The following ASMTL variants were observed in gnomAD, a reference collection of about 807,000 sequenced individuals.
ASMTL encodes the protein probable bifunctional dTTP/UTP pyrophosphatase/methyltransferase protein.
Under a neutral mutation model 60.3 loss-of-function variants are expected in ASMTL, and 57 were observed. The ratio of observed to expected loss-of-function variants is 0.95; its 90% CI spans 0.76 to 1.18. The LOEUF is 1.18. Among genes scored for constraint, ASMTL ranks in the 50% most tolerant of loss-of-function variants. The pLI is 0.00. For synonymous variants in ASMTL, 419 were observed against 373.0 expected, an observed-to-expected ratio of 1.12 and a Z score of -1.42; for missense variants, 981 against 852.6, an observed-to-expected ratio of 1.15 and a Z score of -1.88.
chrX:1,435,548 T>A, intron 4 of ASMTL, 146 bp downstream of exon 4: 1 of 757,380 alleles, frequency 1.3e-6, no homozygotes, highest in South Asian at 1.5e-5. Flanking sequence ...CCTCCCTGCA[T>A]AGCTCAGACA....
chrX:1,439,090 C>T lies in ASMTL; in HGVS notation c.273+7G>A, dbSNP rs758931515. 6.8e-6 allele frequency: 11 copies of T among 1,613,984 alleles called. No homozygotes were observed. The highest frequency in any genetic ancestry group is 8.5e-6 in the Non-Finnish European group (10 of 1,179,834). ...CATTAGAAACGAGGCACCCTGGCCG[C>T]ACTCACCACGATCGTGTCCGCTCCA... On this transcript the variant is annotated splice_region_variant and intron_variant, in intron 3 of 12. Transcript: ENST00000381317.
rs770955226 is a variant in ASMTL, at chrX:1,427,960, A to G, written c.671T>C (p.Val224Ala). 34 of 1,613,352 alleles carry G rather than the reference A, an allele frequency of 2.1e-5. No individual in the cohort carries two copies. The highest frequency in any genetic ancestry group is 1.1e-5 in the South Asian group (1 of 91,074). The stretch of plus-strand genomic sequence containing the variant: ...CGCGGCCGGGATGGAGTCGTGCTTG[A>G]CACTCCGCCGCAGGTCCTCCGGACG... ...PPRPEDLRRS[V>A]KHDSIPAADT... Residue 224 changes from valine to alanine, a missense_variant, in exon 7 of 13, where the codon GTC becomes GCC. Val to Ala is a moderately conservative substitution (Grantham distance 64). Coordinates refer to ENST00000381317, the MANE Select transcript of ASMTL (RefSeq NM_004192.4).
intron 9 of ASMTL, 26 bp from the exon 10 acceptor site, chrX:1,419,140 C>T: frequency 6.2e-7 from 1 of 1,608,694 alleles, no homozygotes; most frequent in Non-Finnish European, 8.5e-7. Context: ...TGCTTAGGGG[C>T]ACCAGAGAAC....
chrX:1,416,277 C>A (rs1421869525), intron 11 of ASMTL, among the ~76,000 whole-genome samples: 1 of 134,722 alleles, frequency 7.4e-6, no homozygotes, highest in African/African-American at 2.9e-5. Context: ...ACAGATACAC[C>A]AACAGACAGG....
chrX:1,419,368 G>A (rs1366088125), intron 9 of ASMTL, among the ~76,000 whole-genome samples: 2 of 152,166 alleles, frequency 1.3e-5, no homozygotes, highest in African/African-American at 4.8e-5. Flanking sequence ...ACCACAGCCT[G>A]AACTCCAAGC....
At chrX:1,411,222 AAAG>A (rs200744132) in intron 12 of ASMTL, among the ~76,000 whole-genome samples, 1,928 of 45,344 alleles carry the variant, frequency 0.043, 43 homozygotes, top group African/African-American at 0.11. Flanking sequence ...AGAAAGAGAG[AAAG>A]AAGGAGAGAC....
At chrX:1,445,321 G>A (rs192370018) in intron 1 of ASMTL, among the ~76,000 whole-genome samples, 15 of 152,230 alleles carry the variant, frequency 9.9e-5, no homozygotes, top group Admixed American at 6.5e-4. Context: ...ACCAGCCCAC[G>A]TGGGTGCCAA....
rs1229272093 is a variant in ASMTL, at chrX:1,428,646, C to CAAATAAATAAAT, written c.510-537_510-526dup. Among the ~76,000 whole-genome samples the CAAATAAATAAAT allele has an allele frequency of 7.8e-3, 1,053 of 134,504 alleles. 10 individuals carry two copies. The highest frequency in any genetic ancestry group is 0.028 in the Middle Eastern group (8 of 282). The allele number at this position is 134,504 out of a possible 152,430, so 88.2% of individuals were successfully genotyped here. A position where few individuals can be genotyped will look rare whatever the true frequency, so the allele number is the denominator to read the frequency against. On this transcript the variant is annotated intron_variant, in intron 6 of 12. Transcript: ENST00000381317. ...TGGGCGGCAGAGGAAGACTCCGTCT[C>CAAATAAATAAAT]AAATAAATAAATAAATAAATAAAAT...
intron 11 of ASMTL, among the ~76,000 whole-genome samples, chrX:1,416,088 C>A (rs1320287265): frequency 6.6e-6 from 1 of 151,482 alleles, no homozygotes; most frequent in Non-Finnish European, 1.5e-5. Flanking sequence ...GGCACACTCA[C>A]GCACGGACAC....
Position 1,445,993 on chromosome X carries a change from C to T in ASMTL, c.94-3676G>A, listed in dbSNP as rs369786839. Among the ~76,000 whole-genome samples, 30 of 152,188 alleles carry T rather than the reference C, an allele frequency of 2.0e-4. 1 individual carries two copies. Among genetic ancestry groups the T allele is most frequent in the East Asian group, 1.5e-3 (8 of 5,164 alleles). Reference sequence around the variant, plus strand: ...TGGAGGACCTGACATCAGTCAGACCCGCCCGCAGTTATCCGGAGGCCTAAC... The same window carrying T: ...TGGAGGACCTGACATCAGTCAGACCTGCCCGCAGTTATCCGGAGGCCTAAC... On this transcript the variant is annotated intron_variant, in intron 1 of 12. Coordinates refer to ENST00000381317, the MANE Select transcript of ASMTL (RefSeq NM_004192.4).
At chrX:1,444,984 G>A (rs773469561) in intron 1 of ASMTL, among the ~76,000 whole-genome samples, 65 of 152,076 alleles carry the variant, frequency 4.3e-4, no homozygotes, top group African/African-American at 1.2e-3. Context: ...CTCTTCGTCC[G>A]TCTTCTTCCC....
At chrX:1,427,354 T>C (rs2090638379) in intron 7 of ASMTL, among the ~76,000 whole-genome samples, 1 of 151,930 alleles carries the variant, frequency 6.6e-6, no homozygotes, top group African/African-American at 2.4e-5. Flanking sequence ...AATGGGACCT[T>C]GTTTTAAAAA....
At chrX:1,435,588 C>G in intron 4 of ASMTL, 106 bp downstream of exon 4, 1 of 1,082,136 alleles carries the variant, frequency 9.2e-7, no homozygotes, top group Non-Finnish European at 1.4e-6. Flanking sequence ...GCTCAGACGG[C>G]AGAGCTGACA....
intron 12 of ASMTL, among the ~76,000 whole-genome samples, chrX:1,405,236 GGGTGAACA>G (rs2089772541): frequency 6.6e-6 from 1 of 150,934 alleles, no homozygotes; most frequent in African/African-American, 2.5e-5. Context: ...ATGGATGGAT[GGGTGAACA>G]GATGGTAGAT....
At position 1,418,966 on chromosome X, in the gene ASMTL, C is replaced by G. The variant is rs761161897; in HGVS notation, c.1378+16G>C. 5.6e-6 allele frequency: 9 copies of G among 1,611,084 alleles called. No homozygotes were observed. In the African/African-American group the frequency reaches 8.0e-5, roughly 14 times the overall value. On this transcript the variant is annotated intron_variant, in intron 10 of 12. Transcript: ENST00000381317. ...TAAACGAAAGTAAGGAGAGCCCTGG[C>G]GGGGGGGCCACCCACCTCCCACGTC...
chrX:1,430,681 A>G (rs2090745306), intron 6 of ASMTL, among the ~76,000 whole-genome samples: 1 of 151,772 alleles, frequency 6.6e-6, no homozygotes, highest in South Asian at 2.1e-4. Flanking sequence ...CTGAGGTGAG[A>G]GGATCATTTT....
intron 11 of ASMTL, chrX:1,414,066 C>T (rs1262118603): frequency 6.7e-6 from 1 of 149,602 alleles, no homozygotes; most frequent in African/African-American, 2.5e-5. Context: ...TAGGGTGGGC[C>T]CTAAATGCAA....
In ASMTL at chrX:1,452,827, G is replaced by C. The variant is rs749260410; in HGVS notation, c.14C>G (p.Pro5Arg). MVLC[P>R]VIGKLLHKRV... ...CTTGTGCAGCAGCTTCCCAATCACC[G>C]GGCACAGCACCATGGCGTCCACGCC... Residue 5 changes from proline (P) to arginine (R), a missense_variant, in exon 1 of 13, where the codon CCG becomes CGG. Transcript: ENST00000381317. 2.1e-5 allele frequency: 34 copies of C among 1,592,658 alleles called. No homozygotes were observed. Among genetic ancestry groups the C allele is most frequent in the Admixed American group, 8.5e-5 (5 of 59,104 alleles).
intron 8 of ASMTL, 97 bp from the exon 9 acceptor site, chrX:1,421,939 A>T: frequency 2.6e-6 from 3 of 1,146,906 alleles, no homozygotes; most frequent in Non-Finnish European, 3.9e-6. Context: ...AATAAACATC[A>T]CCCATCTGAC....
Sources: allele counts gnomAD v4.1 joint callset (sites outside exome capture counted in the v4.1 genomes callset), GRCh38; gene constraint gnomAD v4.1.1; transcripts MANE v1.5; gene names NCBI Gene and HGNC (gene_info 2026-07-23, HGNC 2026-07-21).